The following CLCNKB variants were observed in gnomAD, a reference collection of about 807,000 sequenced individuals.
The protein encoded by CLCNKB is chloride voltage-gated channel Kb.
A neutral mutation model predicts 83.8 loss-of-function variants in CLCNKB; 74 were observed. The observed-to-expected ratio is 0.88, with a 90% CI of 0.73 to 1.07. CLCNKB has a LOEUF of 1.07. Ranked by LOEUF, CLCNKB falls within the 50% of genes least tolerant of loss-of-function variation. The pLI, the probability that CLCNKB is intolerant of heterozygous loss-of-function variation, is 0.00. For missense variants in CLCNKB, 798 were observed against 893.6 expected (o/e 0.89, Z 1.36); for synonymous variants, 358 against 356.6 (o/e 1.00, Z -0.04).
intron 16 of CLCNKB, among the ~76,000 whole-genome samples, chr1:16,054,362 C>T (rs1486832985): frequency 6.6e-6 from 1 of 152,206 alleles, no homozygotes; most frequent in Non-Finnish European, 1.5e-5. Flanking sequence ...CTGGCAAGCA[C>T]ACCACAGCTG....
intron 11 of CLCNKB, 41 bp from the exon 12 acceptor site, chr1:16,050,834 T>TGGGG (rs1295439626): frequency 6.2e-7 from 1 of 1,608,760 alleles, no homozygotes; most frequent in African/African-American, 1.3e-5. Context: ...GGTCTGCCGC[T>TGGGG]GGGGGCCCCT....
At position 16,046,567 on chromosome 1, in the gene CLCNKB, A is replaced by G; in HGVS notation, c.262A>G (p.Ser88Gly). The G allele has an allele frequency of 6.2e-7, 1 of 1,614,072 alleles. No individual in the cohort carries two copies. Among genetic ancestry groups the G allele is most frequent in the Non-Finnish European group, 8.5e-7 (1 of 1,180,010 alleles). Residue 88 changes from serine to glycine, a missense_variant, in exon 4 of 20, where the codon AGC becomes GGC. By Grantham distance (56) the Ser-to-Gly change is moderately conservative. Coordinates refer to ENST00000375679, the MANE Select transcript of CLCNKB (RefSeq NM_000085.5). The stretch of plus-strand genomic sequence containing the variant: ...GTGGCTGTACAGGGAGATTGGGGAC[A>G]GCCACCTGCTCCGGTATCTCTCCTG... ...HQWLYREIGD[S>G]HLLRYLSWTV...
chr1:16,044,436 G>T (rs531495195), intron 1 of CLCNKB, 50 bp from the exon 2 acceptor site: 2 of 1,479,648 alleles, frequency 1.4e-6, no homozygotes, highest in East Asian at 4.8e-5. Context: ...GAGGCAGTGC[G>T]AGGACGTGCA....
chr1:16,055,107 C>T (rs949389859), intron 16 of CLCNKB, among the ~76,000 whole-genome samples: 1 of 152,148 alleles, frequency 6.6e-6, no homozygotes, highest in African/African-American at 2.4e-5. Flanking sequence ...AGCCCTGACA[C>T]ACAGACTTCA....
chr1:16,052,738 G>A (rs536169108), intron 15 of CLCNKB, among the ~76,000 whole-genome samples: 3 of 152,286 alleles, frequency 2.0e-5, no homozygotes, highest in South Asian at 4.1e-4. Flanking sequence ...CACCAGATCC[G>A]AGAGGTCTCC....
At chr1:16,051,355 G>A in intron 12 of CLCNKB, 123 bp from the exon 13 acceptor site, 3 of 1,279,636 alleles carry the variant, frequency 2.3e-6, no homozygotes, top group South Asian at 2.4e-5. Flanking sequence ...GACTCTGGCA[G>A]TGGGTGCATG....
intron 1 of CLCNKB, 110 bp from the exon 2 acceptor site, chr1:16,044,376 C>CAT: frequency 8.5e-6 from 7 of 822,790 alleles, no homozygotes; most frequent in Non-Finnish European, 1.4e-5. Context: ...CACACACACA[C>CAT]ACGCACAATC....
chr1:16,052,545 G>C (rs1299478318), intron 15 of CLCNKB, 134 bp downstream of exon 15: 44 of 1,237,002 alleles, frequency 3.6e-5, no homozygotes, highest in East Asian at 5.0e-5. Context: ...GCTGTGCTCT[G>C]TTCTCCACTC....
chr1:16,055,667 AC>A lies in CLCNKB; in HGVS notation c.1846-3del, dbSNP rs1557473516. 1.2e-6 allele frequency: 2 copies of A among 1,613,530 alleles called. No individual in the cohort carries two copies. Among genetic ancestry groups the A allele is most frequent in the East Asian group, 2.2e-5 (1 of 44,866 alleles). On this transcript the variant is annotated splice_polypyrimidine_tract_variant and splice_region_variant and intron_variant, in intron 17 of 19. Transcript: ENST00000375679. The stretch of plus-strand genomic sequence containing the variant: ...AGCCCTGCACCTGTAACCCTTCCCC[AC>A]CCCCAGCAGTGTCTCCAGGACATCT...
intron 15 of CLCNKB, among the ~76,000 whole-genome samples, chr1:16,052,770 G>C (rs966308099): frequency 6.6e-6 from 1 of 152,168 alleles, no homozygotes. Context: ...CACTCCTGCT[G>C]TCCTTGCTGG....
chr1:16,049,968 G>A lies in CLCNKB; in HGVS notation c.968+52G>A, dbSNP rs773010199. ...CCTCTCAGCGAGCTCCCCCCTCACC[G>A]TACTCCCAACCTTATGTAGAAAGCT... On this transcript the variant is annotated intron_variant, in intron 10 of 19. Coordinates refer to ENST00000375679, the MANE Select transcript of CLCNKB (RefSeq NM_000085.5). 87 of 1,330,856 alleles carry A rather than the reference G, an allele frequency of 6.5e-5. 2 individuals are homozygous for A. The highest frequency in any genetic ancestry group is 5.4e-4 in the Middle Eastern group (3 of 5,514). 82.4% of individuals were successfully genotyped at this position (1,330,856 alleles called of 1,614,324 possible).
chr1:16,047,282 C>G (rs2023130122), intron 4 of CLCNKB, among the ~76,000 whole-genome samples: 1 of 151,856 alleles, frequency 6.6e-6, no homozygotes, highest in African/African-American at 2.4e-5. Flanking sequence ...GTCTCTACAA[C>G]AAATAGAAAA....
chr1:16,045,147 G>T (rs781121236), intron 2 of CLCNKB, among the ~76,000 whole-genome samples: 1 of 152,160 alleles, frequency 6.6e-6, no homozygotes, highest in South Asian at 2.1e-4. Context: ...GGACCCAGAG[G>T]ATACCTGGCG....
At chr1:16,053,519 C>T in intron 15 of CLCNKB, 120 bp from the exon 16 acceptor site, 3 of 1,441,866 alleles carry the variant, frequency 2.1e-6, no homozygotes, top group Non-Finnish European at 2.9e-6. Context: ...CCTCTCCGGC[C>T]CTGCCCACAC....
At position 16,053,895 on chromosome 1, in the gene CLCNKB, T is replaced by C. The variant is rs998372650; in HGVS notation, c.1756+123T>C. The C allele has an allele frequency of 5.1e-5, 68 of 1,343,024 alleles. 1 individual carries two copies. The highest frequency in any genetic ancestry group is 7.0e-5 in the Non-Finnish European group (67 of 962,404). 83.2% of individuals were successfully genotyped at this position (1,343,024 alleles called of 1,614,324 possible). A position where few individuals can be genotyped will look rare whatever the true frequency, so the allele number is the denominator to read the frequency against. On this transcript the variant is annotated intron_variant, in intron 16 of 19. Transcript: ENST00000375679. ...TGACTTAGCAACCAACCGTGTGACC[T>C]TGGGCAAGTCACATCACCTGAGCCT...
intron 16 of CLCNKB, among the ~76,000 whole-genome samples, 166 bp from the exon 17 acceptor site, chr1:16,055,269 C>T (rs2023403455): frequency 6.6e-6 from 1 of 152,192 alleles, no homozygotes; most frequent in Non-Finnish European, 1.5e-5. Context: ...CAATTAGCCT[C>T]TCTGTGCCTC....
chr1:16,049,542 T>C (rs1570335238), intron 8 of CLCNKB, 76 bp from the exon 9 acceptor site: 2 of 1,294,376 alleles, frequency 1.5e-6, no homozygotes, highest in East Asian at 5.0e-5. Context: ...CCCTCCACCC[T>C]GGGCTGTTAG....
In CLCNKB at chr1:16,053,908, A is replaced by T. The variant is rs2275168; in HGVS notation, c.1756+136A>T. 0.6 allele frequency: 697,217 copies of T among 1,165,556 alleles called. 214,855 individuals are homozygous for T. The highest frequency in any genetic ancestry group is 0.82 in the East Asian group (32,389 of 39,570). The allele number at this position is 1,165,556 out of a possible 1,614,324, so 72.2% of individuals were successfully genotyped here. A position where few individuals can be genotyped will look rare whatever the true frequency, so the allele number is the denominator to read the frequency against. ...AACCGTGTGACCTTGGGCAAGTCACATCACCTGAGCCTCAGTTTCCTCATC... is the reference window on the plus strand; with the variant it reads ...AACCGTGTGACCTTGGGCAAGTCACTTCACCTGAGCCTCAGTTTCCTCATC... On this transcript the variant is annotated intron_variant, in intron 16 of 19. Transcript: ENST00000375679.
chr1:16,056,453 A>C lies in CLCNKB; in HGVS notation c.1961A>C (p.His654Pro). The change falls in exon 19 of 20, where the codon CAT (histidine) becomes CCT (proline). Residue 654 changes from histidine to proline, a missense_variant. Transcript: ENST00000375679. ...AACCTCTTTGAGCTGTTGAACCTTC[A>C]TTCCCTCTTTGTGACGTCGCGGGGC... is the stretch of plus-strand genomic sequence containing the variant. ...AHNLFELLNL[H>P]SLFVTSRGRA... The C allele has an allele frequency of 6.2e-7, 1 of 1,613,712 alleles. No homozygotes were observed. Among genetic ancestry groups the C allele is most frequent in the Non-Finnish European group, 8.5e-7 (1 of 1,179,918 alleles).
Sources: gnomAD v4.1 joint callset for allele counts (sites outside exome capture counted in the v4.1 genomes callset) on GRCh38, gnomAD v4.1.1 for gene constraint, MANE v1.5 for transcripts, NCBI Gene and HGNC (gene_info 2026-07-23, HGNC 2026-07-21) for gene names.